Variants in TEKTL1 observed in about 807,000 individuals in gnomAD.
TEKTL1 encodes tektin like 1.
chr19:15,017,399 T>C, the TEKTL1 span, among the ~76,000 whole-genome samples: 1 of 152,192 alleles, frequency 6.6e-6, no homozygotes, highest in Non-Finnish European at 1.5e-5. Context: ...TGACTTGTTT[T>C]GATATAACTC....
the TEKTL1 span, chr19:15,022,982 G>A: frequency 5.6e-6 from 9 of 1,613,314 alleles, no homozygotes; most frequent in Non-Finnish European, 7.6e-6. Flanking sequence ...CATCGGGCAT[G>A]AGGTGGACGG....
the TEKTL1 span, among the ~76,000 whole-genome samples, chr19:15,012,084 C>T: frequency 6.8e-6 from 1 of 146,114 alleles, no homozygotes; most frequent in African/African-American, 2.5e-5. Context: ...AGTGAGACCC[C>T]GTCTCTACAA....
At chr19:15,021,036 C>A in the TEKTL1 span, among the ~76,000 whole-genome samples, 39,369 of 151,936 alleles carry the variant, frequency 0.26, 5,416 homozygotes, top group Non-Finnish European at 0.31. Context: ...CCCACCACCA[C>A]GCCCGGCTAA....
chr19:15,022,769 T>A, the TEKTL1 span: 8 of 1,072,606 alleles, frequency 7.5e-6, no homozygotes, highest in Admixed American at 3.0e-5. Flanking sequence ...TGTGTTCCCC[T>A]CCTCAGCTGT....
chr19:15,022,533 T>G, the TEKTL1 span, among the ~76,000 whole-genome samples: 1 of 152,130 alleles, frequency 6.6e-6, no homozygotes, highest in African/African-American at 2.4e-5. Context: ...TCTGCTATGT[T>G]GGCCAGGCTA....
chr19:15,018,715 AATATGT>A, the TEKTL1 span, among the ~76,000 whole-genome samples: 6 of 68,252 alleles, frequency 8.8e-5, 2 homozygotes, highest in African/African-American at 1.3e-4. Context: ...CCTATCTCAA[AATATGT>A]ATATATATAT....
chr19:15,011,390 G>C, the TEKTL1 span: 27 of 1,428,816 alleles, frequency 1.9e-5, 1 homozygote, highest in South Asian at 3.9e-4. Flanking sequence ...GCCCAAGTCT[G>C]AGAAGGTGGG....
At chr19:15,021,195 C>T in the TEKTL1 span, among the ~76,000 whole-genome samples, 2 of 152,156 alleles carry the variant, frequency 1.3e-5, no homozygotes, top group Admixed American at 6.5e-5. Flanking sequence ...CAACCCAAGA[C>T]GCTTCTTACA....
chr19:15,022,721 G>GT, the TEKTL1 span: 3 of 584,524 alleles, frequency 5.1e-6, no homozygotes, highest in Middle Eastern at 4.0e-4. Flanking sequence ...GCCCTGTCGC[G>GT]GTTTTTTTTT....
the TEKTL1 span, chr19:15,021,372 C>G: frequency 3.1e-6 from 5 of 1,614,080 alleles, no homozygotes; most frequent in Non-Finnish European, 4.2e-6. Flanking sequence ...TGGCGCTAAA[C>G]GAAGCCAAGC....
chr19:15,011,189 A>G, the TEKTL1 span: 23 of 1,480,474 alleles, frequency 1.6e-5, no homozygotes, highest in Non-Finnish European at 8.9e-7. Context: ...CGCCCTGCAG[A>G]CCACCGAGGT....
the TEKTL1 span, chr19:15,010,869 G>A: frequency 3.9e-6 from 6 of 1,555,980 alleles, no homozygotes; most frequent in South Asian, 3.5e-5. Flanking sequence ...CAGGACACAC[G>A]CGTTGGGGCC....
chr19:15,012,671 AGAG>A, the TEKTL1 span, among the ~76,000 whole-genome samples: 1 of 152,052 alleles, frequency 6.6e-6, no homozygotes, highest in Non-Finnish European at 1.5e-5. Context: ...TCCCTGCCCC[AGAG>A]GAGAAAATTA....
the TEKTL1 span, among the ~76,000 whole-genome samples, chr19:15,016,077 G>A: frequency 1.3e-5 from 2 of 152,214 alleles, no homozygotes; most frequent in East Asian, 3.9e-4. Context: ...ACTGGGGGGT[G>A]GGGAGGAGGG....
chr19:15,014,738 C>CGGGGGGAGGGGGG, the TEKTL1 span, among the ~76,000 whole-genome samples: 48 of 29,810 alleles, frequency 1.6e-3, no homozygotes, highest in African/African-American at 6.2e-3. Flanking sequence ...GGGCGGGGGG[C>CGGGGGGAGGGGGG]GGGGGCTGCT....
chr19:15,021,354 G>T, the TEKTL1 span: 2 of 1,613,866 alleles, frequency 1.2e-6, no homozygotes, highest in Admixed American at 1.7e-5. Flanking sequence ...CATTTGCAGC[G>T]TGCGCCTTGG....
At chr19:15,021,907 G>T in the TEKTL1 span, 1 of 1,613,404 alleles carries the variant, frequency 6.2e-7, no homozygotes, top group Non-Finnish European at 8.5e-7. Flanking sequence ...CGGAGGCTGC[G>T]CGCCTCGCAC....
chr19:15,022,080 A>G, the TEKTL1 span, among the ~76,000 whole-genome samples: 1 of 152,070 alleles, frequency 6.6e-6, no homozygotes, highest in Non-Finnish European at 1.5e-5. Flanking sequence ...CTGGGTACTG[A>G]AGTGGGTACT....
At chr19:15,020,560 G>A in the TEKTL1 span, 3 of 1,614,020 alleles carry the variant, frequency 1.9e-6, no homozygotes, top group South Asian at 2.2e-5. Flanking sequence ...TCTGGAGCAG[G>A]CCAGACGCCA....
Sources: gnomAD v4.1 joint callset for allele counts (sites outside exome capture counted in the v4.1 genomes callset) on GRCh38, gnomAD v4.1.1 for gene constraint, MANE v1.5 for transcripts, NCBI Gene and HGNC (gene_info 2026-07-23, HGNC 2026-07-21) for gene names.